The following AKAP6 variants were observed in gnomAD, a reference collection of about 807,000 sequenced individuals.
AKAP6 encodes the protein A-kinase anchoring protein 6, also known as A-kinase anchor protein 6.
A neutral mutation model predicts 188.5 loss-of-function variants in AKAP6; 58 were observed. The observed-to-expected ratio is 0.31, with a 90% CI of 0.25 to 0.38. The LOEUF is 0.38. Ranked by LOEUF, AKAP6 falls within the 10% of genes least tolerant of loss-of-function variation. The pLI, the probability that AKAP6 is intolerant of heterozygous loss-of-function variation, is 1.00. For synonymous variants in AKAP6, 989 were observed against 998.6 expected (o/e 0.99, Z 0.18); for missense variants, 2,710 against 2,740.0 (o/e 0.99, Z 0.24).
intron 7 of AKAP6, among the ~76,000 whole-genome samples, chr14:32,659,920 T>A (rs1280261181): frequency 6.6e-6 from 1 of 151,958 alleles, no homozygotes; most frequent in Non-Finnish European, 1.5e-5. Flanking sequence ...AAGATTTCCA[T>A]GTATAAGGTG....
chr14:32,822,776 T>G lies in AKAP6; in HGVS notation c.4963T>G (p.Ser1655Ala). Residue 1655 changes from serine to alanine, a missense_variant, in exon 13 of 14, where the codon TCT (serine) becomes GCT (alanine). Around this residue, in one of 2 missense-constraint regions of AKAP6, gnomAD observed 2,473 missense variants for 2,426.1 expected, o/e 1.02. Coordinates refer to ENST00000280979, the MANE Select transcript of AKAP6 (RefSeq NM_004274.5). ...PSEQKIKRSV[S>A]DITLQSSSQK... ...AGAGCAAAAGATAAAACGAAGTGTT[T>G]CTGATATCACTCTTCAAAGCAGTTC... The G allele has an allele frequency of 6.2e-7, 1 of 1,613,940 alleles. No homozygotes were observed. Among genetic ancestry groups the G allele is most frequent in the African/African-American group, 1.3e-5 (1 of 75,042 alleles).
At chr14:32,788,414 A>C (rs2033497518) in intron 12 of AKAP6, among the ~76,000 whole-genome samples, 1 of 152,242 alleles carries the variant, frequency 6.6e-6, no homozygotes, top group Non-Finnish European at 1.5e-5. Context: ...ACTCACGGAA[A>C]GGAATGAAAA....
intron 13 of AKAP6, among the ~76,000 whole-genome samples, chr14:32,825,976 A>ATTACATTTATTACATTAT (rs2034663297): frequency 2.0e-5 from 3 of 152,248 alleles, no homozygotes; most frequent in Non-Finnish European, 4.4e-5. Flanking sequence ...ATTTATTACA[A>ATTACATTTATTACATTAT]ATACATCTTT....
At chr14:32,725,253 C>G (rs1168479870) in intron 9 of AKAP6, among the ~76,000 whole-genome samples, 1 of 152,152 alleles carries the variant, frequency 6.6e-6, no homozygotes, top group Non-Finnish European at 1.5e-5. Flanking sequence ...AGAGAGCATT[C>G]ATTTTACTTT....
chr14:32,786,296 A>AT, intron 12 of AKAP6, among the ~76,000 whole-genome samples: 1 of 93,718 alleles, frequency 1.1e-5, no homozygotes, highest in African/African-American at 4.1e-5. Flanking sequence ...CTAAACCTTT[A>AT]TCTTTTTTTT....
rs77708347 is a variant in AKAP6, at chr14:32,828,988, A to G, written c.*43-860A>G. 2.8e-3 allele frequency among the ~76,000 whole-genome samples: 425 copies of G among 152,352 alleles called. 4 individuals are homozygous for G. Among genetic ancestry groups the G allele is most frequent in the African/African-American group, 9.5e-3 (394 of 41,590 alleles). On this transcript the variant is annotated intron_variant, in intron 13 of 13. Transcript: ENST00000280979. ...ATTCGTTCTTGAAGGACAGTAAAAC[A>G]ACCTGATATGAGAAATCAGAACTCA...
intron 7 of AKAP6, among the ~76,000 whole-genome samples, chr14:32,653,216 G>T (rs550542334): frequency 6.6e-6 from 1 of 152,194 alleles, no homozygotes; most frequent in African/African-American, 2.4e-5. Flanking sequence ...TACCATGTTT[G>T]GCCATTTTTT....
At position 32,568,248 on chromosome 14, in the gene AKAP6, A is replaced by T. The variant is rs1485922470; in HGVS notation, c.2347-8872A>T. Among the ~76,000 whole-genome samples the T allele has an allele frequency of 2.6e-5, 4 of 152,172 alleles. No homozygotes were observed. Among genetic ancestry groups the T allele is most frequent in the Non-Finnish European group, 4.4e-5 (3 of 68,038 alleles). ...GGGAACAAATCTGGTTAGAGAGAGA[A>T]TATAGCACAGTAGTCCAGAGCTTAG... On this transcript the variant is annotated intron_variant, in intron 4 of 13. Coordinates refer to ENST00000280979, the MANE Select transcript of AKAP6 (RefSeq NM_004274.5). This position sits in a 1 kb window ranked among gnomAD's most constrained non-coding sequence, Gnocchi z 6.2.
At chr14:32,404,997 G>T (rs1456984804) in intron 1 of AKAP6, among the ~76,000 whole-genome samples, 2 of 151,580 alleles carry the variant, frequency 1.3e-5, no homozygotes, top group Non-Finnish European at 2.9e-5. Flanking sequence ...GAGGGCCCCT[G>T]ATGACAGCTG....
At chr14:32,778,580 T>G (rs1286776003) in intron 12 of AKAP6, among the ~76,000 whole-genome samples, 1 of 152,160 alleles carries the variant, frequency 6.6e-6, no homozygotes, top group Non-Finnish European at 1.5e-5. Flanking sequence ...GGGGTCTTAC[T>G]CTGTTGCTCA....
At chr14:32,519,724 TA>T (rs1881718764) in intron 2 of AKAP6, among the ~76,000 whole-genome samples, 1 of 152,120 alleles carries the variant, frequency 6.6e-6, no homozygotes. Flanking sequence ...CAAAGAGACT[TA>T]GACTCCCACA....
chr14:32,734,443 G>A (rs2031322562), intron 10 of AKAP6: 1 of 152,106 alleles, frequency 6.6e-6, no homozygotes, highest in South Asian at 2.1e-4. Flanking sequence ...ATCAAGGCAG[G>A]CATTGGCATC....
chr14:32,331,015 C>G (rs957224838), intron 1 of AKAP6, among the ~76,000 whole-genome samples: 1 of 151,960 alleles, frequency 6.6e-6, no homozygotes, highest in Non-Finnish European at 1.5e-5. Flanking sequence ...GTGAACACAT[C>G]TAAGTCGAAA....
chr14:32,646,981 G>T (rs1004246586), intron 7 of AKAP6, among the ~76,000 whole-genome samples: 2 of 152,074 alleles, frequency 1.3e-5, no homozygotes, highest in African/African-American at 4.8e-5. Flanking sequence ...TCATAGGAAA[G>T]GCACTACAAC....
At chr14:32,688,917 T>C (rs1467018494) in intron 8 of AKAP6, among the ~76,000 whole-genome samples, 1 of 152,178 alleles carries the variant, frequency 6.6e-6, no homozygotes, top group Non-Finnish European at 1.5e-5. Flanking sequence ...GTTGTTGATA[T>C]ATTGCCTATT....
chr14:32,459,398 T>TTA (rs2138814098), intron 2 of AKAP6, among the ~76,000 whole-genome samples: 1 of 151,936 alleles, frequency 6.6e-6, no homozygotes, highest in South Asian at 2.1e-4. Context: ...AAAAAATAAA[T>TTA]AATAAAGGGA....
At chr14:32,441,183 A>T (rs1890565443) in intron 2 of AKAP6, among the ~76,000 whole-genome samples, 1 of 152,104 alleles carries the variant, frequency 6.6e-6, no homozygotes, top group African/African-American at 2.4e-5. Context: ...AGTCTGAATG[A>T]CTGACTGTAC....
At chr14:32,616,112 G>A (rs988220244) in intron 7 of AKAP6, among the ~76,000 whole-genome samples, 9 of 152,142 alleles carry the variant, frequency 5.9e-5, no homozygotes, top group Non-Finnish European at 7.3e-5. Flanking sequence ...ACAGATGTTA[G>A]CAAGATTGCA....
intron 11 of AKAP6, among the ~76,000 whole-genome samples, chr14:32,770,165 T>G (rs1180237087): frequency 6.6e-6 from 1 of 152,154 alleles, no homozygotes; most frequent in Non-Finnish European, 1.5e-5. Flanking sequence ...AAAATCAAAT[T>G]GACGGTTTAC....
Sources: gnomAD v4.1 joint callset for allele counts (sites outside exome capture counted in the v4.1 genomes callset) on GRCh38, gnomAD v4.1.1 for gene constraint, gnomAD v4.1.1 regional missense constraint, Gnocchi (gnomAD v3.1) non-coding constraint, MANE v1.5 for transcripts, NCBI Gene and HGNC (gene_info 2026-07-23, HGNC 2026-07-21) for gene names.